DPP10: variants seen among roughly 807,000 people sequenced by gnomAD.
DPP10 encodes the protein inactive dipeptidyl peptidase 10.
DPP10 carries 33 observed loss-of-function variants against 120.9 expected under a neutral mutation model. That is an observed-to-expected ratio of 0.27 (90% CI 0.21 to 0.37). The LOEUF (loss-of-function observed/expected upper bound fraction) is 0.37, where lower values mean the gene tolerates loss of function less well. Ranked by LOEUF, DPP10 falls within the 10% of genes least tolerant of loss-of-function variation. The pLI, the probability that DPP10 is intolerant of heterozygous loss-of-function variation, is 1.00. For synonymous variants in DPP10, 337 were observed against 326.1 expected, an observed-to-expected ratio of 1.03 and a Z score of -0.36; for missense variants, 816 against 942.8, an observed-to-expected ratio of 0.87 and a Z score of 1.76.
intron 1 of DPP10, among the ~76,000 whole-genome samples, chr2:115,147,199 A>T (rs979558957): frequency 6.6e-6 from 1 of 151,464 alleles, no homozygotes; most frequent in Non-Finnish European, 1.5e-5. Context: ...ATAGTATTGT[A>T]TATATGCTAT....
intron 5 of DPP10, among the ~76,000 whole-genome samples, chr2:115,573,229 C>T (rs1422906134): frequency 6.6e-6 from 1 of 150,780 alleles, no homozygotes; most frequent in Non-Finnish European, 1.5e-5. Flanking sequence ...TGCTGAAGTA[C>T]TAGCCCTGCA....
chr2:114,986,726 G>A (rs948627667), intron 1 of DPP10, among the ~76,000 whole-genome samples: 1 of 152,124 alleles, frequency 6.6e-6, no homozygotes, highest in Non-Finnish European at 1.5e-5. Context: ...ATCTGCAAAA[G>A]GCTAACAATG....
chr2:115,364,007 CTTCAGGTCATTAAATAAGGTAGCAAAG>C (rs2064939617), intron 3 of DPP10, among the ~76,000 whole-genome samples: 1 of 7,772 alleles, frequency 1.3e-4, no homozygotes, highest in Non-Finnish European at 4.1e-4. Context: ...GAGGTAGATG[CTTCAGGTCATTAAATAAGGTAGCAAAG>C]GTGGAGGTAG....
intron 1 of DPP10, among the ~76,000 whole-genome samples, chr2:114,907,207 T>C (rs1694039297): frequency 6.6e-6 from 1 of 152,020 alleles, no homozygotes. Context: ...TTTTTTTTCT[T>C]GGTCGGTGTA....
At chr2:115,196,276 G>A (rs373207767) in intron 1 of DPP10, among the ~76,000 whole-genome samples, 236 of 152,238 alleles carry the variant, frequency 1.6e-3, no homozygotes, top group African/African-American at 5.4e-3. Flanking sequence ...ATGTTCCTCC[G>A]TCAGACATTA....
intron 1 of DPP10, among the ~76,000 whole-genome samples, chr2:115,033,516 C>A (rs1703994619): frequency 6.6e-6 from 1 of 152,144 alleles, no homozygotes; most frequent in Non-Finnish European, 1.5e-5. Context: ...AAGGTCCTCA[C>A]AGCAATGGTC....
intron 1 of DPP10, among the ~76,000 whole-genome samples, chr2:114,827,855 C>T (rs982841281): frequency 6.6e-6 from 1 of 152,164 alleles, no homozygotes; most frequent in Non-Finnish European, 1.5e-5. Flanking sequence ...AACACACTCA[C>T]GTCTCTTCCC....
chr2:114,775,888 GA>G (rs1468984229), intron 1 of DPP10, among the ~76,000 whole-genome samples: 54 of 152,226 alleles, frequency 3.5e-4, no homozygotes, highest in Non-Finnish European at 6.8e-4. Flanking sequence ...ACGTCTCAAG[GA>G]ACTATCACTT....
chr2:115,437,082 G>A (rs1041319263), intron 3 of DPP10, among the ~76,000 whole-genome samples: 5 of 151,886 alleles, frequency 3.3e-5, no homozygotes, highest in Non-Finnish European at 5.9e-5. Context: ...ACACACCAAA[G>A]GAATGCAGCA....
intron 1 of DPP10, among the ~76,000 whole-genome samples, chr2:114,716,447 T>C (rs12463533): frequency 0.043 from 6,556 of 152,250 alleles, 168 homozygotes; most frequent in South Asian, 0.096. Context: ...TAATACCCTA[T>C]AGCATCTTTT....
intron 1 of DPP10, among the ~76,000 whole-genome samples, chr2:114,903,069 G>A (rs1449092165): frequency 6.6e-6 from 1 of 151,890 alleles, no homozygotes; most frequent in Non-Finnish European, 1.5e-5. Context: ...ACTTTTTATT[G>A]GCTTCTTTCA....
At chr2:114,489,434 A>G (rs928925601) in intron 1 of DPP10, among the ~76,000 whole-genome samples, 1 of 152,164 alleles carries the variant, frequency 6.6e-6, no homozygotes, top group African/African-American at 2.4e-5. Flanking sequence ...CCAGCATCCA[A>G]TTCCTGTGAT....
intron 1 of DPP10, among the ~76,000 whole-genome samples, chr2:114,860,366 T>A (rs1230252525): frequency 6.6e-6 from 1 of 152,244 alleles, no homozygotes; most frequent in Non-Finnish European, 1.5e-5. Flanking sequence ...CTCCGTAACA[T>A]AAACTCCATG....
chr2:114,555,012 G>A (rs868534139), intron 1 of DPP10, among the ~76,000 whole-genome samples: 18 of 152,178 alleles, frequency 1.2e-4, no homozygotes, highest in African/African-American at 4.3e-4. Context: ...CCTGGGCATC[G>A]AGGTTGGGAG....
At chr2:114,803,875 C>T (rs1684484881) in intron 1 of DPP10, among the ~76,000 whole-genome samples, 1 of 152,192 alleles carries the variant, frequency 6.6e-6, no homozygotes, top group Non-Finnish European at 1.5e-5. Context: ...CAGTAATTTG[C>T]ATAAGTAGCA....
chr2:115,241,387 T>C (rs2105571218), intron 1 of DPP10, among the ~76,000 whole-genome samples: 1 of 152,360 alleles, frequency 6.6e-6, no homozygotes, highest in African/African-American at 2.4e-5. Context: ...GTTGTAAGTT[T>C]CTTGTATCTT....
Position 115,782,419 on chromosome 2 carries a change from A to G in DPP10, c.1531+20A>G, listed in dbSNP as rs202162249. 6.2e-7 allele frequency: 1 copy of G among 1,604,062 alleles called. No individual in the cohort carries two copies. Among genetic ancestry groups the G allele is most frequent in the South Asian group, 1.1e-5 (1 of 90,822 alleles). The stretch of plus-strand genomic sequence containing the variant: ...CAGCAAGTGAGTACACAAGAAGACA[A>G]TTAAGAATAGTTATGGTTGGCATTA... On this transcript the variant is annotated intron_variant, in intron 17 of 25. Coordinates refer to ENST00000410059, the MANE Select transcript of DPP10 (RefSeq NM_020868.6).
At chr2:115,549,835 C>T (rs1246618681) in intron 5 of DPP10, among the ~76,000 whole-genome samples, 1 of 152,112 alleles carries the variant, frequency 6.6e-6, no homozygotes, top group Non-Finnish European at 1.5e-5. Context: ...TGTCTTTATC[C>T]ACCGTCCATG....
chr2:114,886,120 G>A (rs949710298), intron 1 of DPP10, among the ~76,000 whole-genome samples: 3 of 152,098 alleles, frequency 2.0e-5, no homozygotes, highest in African/African-American at 7.2e-5. Context: ...AAACAACACT[G>A]AGGGGAGATG....
Sources: allele counts gnomAD v4.1 joint callset (sites outside exome capture counted in the v4.1 genomes callset), GRCh38; gene constraint gnomAD v4.1.1; transcripts MANE v1.5; gene names NCBI Gene and HGNC (gene_info 2026-07-23, HGNC 2026-07-21).